Variants in AIF1L observed in about 807,000 individuals in gnomAD.
AIF1L encodes allograft inflammatory factor 1-like.
Under a neutral mutation model 20.7 loss-of-function variants are expected in AIF1L, and 12 were observed. That is an observed-to-expected ratio of 0.58 (90% CI 0.37 to 0.94). The LOEUF is 0.94. AIF1L is among the 40% of genes least tolerant of loss of function. AIF1L has a pLI of 0.01. For missense variants in AIF1L, 173 were observed against 185.3 expected (o/e 0.93, Z 0.39); for synonymous variants, 76 against 65.1 (o/e 1.17, Z -0.81).
chr9:131,102,711 C>G (rs1830663946), intron 2 of AIF1L, among the ~76,000 whole-genome samples: 1 of 152,238 alleles, frequency 6.6e-6, no homozygotes, highest in Non-Finnish European at 1.5e-5. Flanking sequence ...AACCCGCTGT[C>G]CTTGTGGGTG....
At position 131,096,840 on chromosome 9, in the gene AIF1L, A is replaced by T; in HGVS notation, c.70A>T (p.Arg24Trp). The change falls in exon 2 of 6, where the codon AGG (arginine) becomes TGG (tryptophan). Residue 24 changes from arginine (R) to tryptophan (W), a missense_variant. Arg to Trp is a moderately radical substitution (Grantham distance 101). Coordinates refer to ENST00000247291, the MANE Select transcript of AIF1L (RefSeq NM_031426.4). ...AFGLLKARQE[R>W]RLAEINREFL... ...CGGCTTGCTCAAAGCCCGGCAGGAG[A>T]GGAGGCTGGCCGAGATCAACCGGGT... 6.5e-7 allele frequency: 1 copy of T among 1,537,900 alleles called. No homozygotes were observed.
intron 5 of AIF1L, among the ~76,000 whole-genome samples, chr9:131,118,788 T>A (rs978179518): frequency 6.6e-6 from 1 of 151,958 alleles, no homozygotes; most frequent in Non-Finnish European, 1.5e-5. Flanking sequence ...TTCCAAGAGA[T>A]CAGACCCCCT....
At chr9:131,109,938 C>T (rs1329820760) in intron 2 of AIF1L, among the ~76,000 whole-genome samples, 2 of 151,480 alleles carry the variant, frequency 1.3e-5, no homozygotes, top group East Asian at 2.0e-4. Context: ...GGCCGGGCGC[C>T]GTGGCTCACA....
rs954023168 is a variant in AIF1L at position 131,118,043 on chromosome 9, C to T, written c.365+125C>T. 1.2e-5 allele frequency: 12 copies of T among 990,998 alleles called. No individual in the cohort carries two copies. In the African/African-American group the frequency reaches 2.0e-4, roughly 16 times the overall value. 61.4% of individuals were successfully genotyped at this position (990,998 alleles called of 1,614,324 possible). On this transcript the variant is annotated intron_variant, in intron 5 of 5. Transcript: ENST00000247291. Reference sequence around the variant, plus strand: ...GTAACTCATTGTGCGACCTGCTGGACAAGGTACTTACTTCTCCTGATCCTG... The same window carrying T: ...GTAACTCATTGTGCGACCTGCTGGATAAGGTACTTACTTCTCCTGATCCTG...
chr9:131,110,430 G>A (rs1055898222), intron 2 of AIF1L, among the ~76,000 whole-genome samples: 13 of 152,102 alleles, frequency 8.5e-5, no homozygotes, highest in Admixed American at 1.3e-4. Context: ...CAGGTGAGAG[G>A]GTAAGTGTAC....
chr9:131,096,989 C>G (rs1588176913), intron 2 of AIF1L, 126 bp downstream of exon 2: 1 of 1,084,442 alleles, frequency 9.2e-7, no homozygotes, highest in Non-Finnish European at 1.2e-6. Flanking sequence ...CTGGGCTTCC[C>G]TCAGGTGCCT....
chr9:131,096,622 C>A lies in AIF1L; in HGVS notation c.-8C>A, dbSNP rs1472057916. 2 of 1,484,348 alleles carry A rather than the reference C, an allele frequency of 1.3e-6. No individual in the cohort carries two copies. Among genetic ancestry groups the A allele is most frequent in the South Asian group, 2.5e-5 (2 of 78,566 alleles). 91.9% of individuals were successfully genotyped at this position (1,484,348 alleles called of 1,614,324 possible). A position where few individuals can be genotyped will look rare whatever the true frequency, so the allele number is the denominator to read the frequency against. ...AAGCCTGGAGCCGGCGGGAGCCCCGCGCTCGCCATGTCGGGCGAGCTCAGC... is the reference window on the plus strand; with the variant it reads ...AAGCCTGGAGCCGGCGGGAGCCCCGAGCTCGCCATGTCGGGCGAGCTCAGC... On this transcript the variant is annotated 5_prime_UTR_variant, in exon 1 of 6. Coordinates refer to ENST00000247291, the MANE Select transcript of AIF1L (RefSeq NM_031426.4).
At position 131,120,800 on chromosome 9, in the gene AIF1L, C is replaced by T. The variant is rs1038573483; in HGVS notation, c.*478C>T. ...GTTTCCTTGGACAGTGCCATGGCTC[C>T]AGTGCTCTGGTGTCACCCAGGACAC... On this transcript the variant is annotated 3_prime_UTR_variant, in exon 6 of 6. Coordinates refer to ENST00000247291, the MANE Select transcript of AIF1L (RefSeq NM_031426.4). 5 of 382,846 alleles carry T rather than the reference C, an allele frequency of 1.3e-5. No homozygotes were observed. Among genetic ancestry groups the T allele is most frequent in the African/African-American group, 1.0e-4 (5 of 48,904 alleles). 23.7% of individuals were successfully genotyped at this position (382,846 alleles called of 1,614,324 possible).
At position 131,120,589 on chromosome 9, in the gene AIF1L, G is replaced by A. The variant is rs1411885657; in HGVS notation, c.*267G>A. ...AGGGCTGACATCAAACCAAAAACTAGAGGGGGCAGGGCCAGGGCAGGGAGG... is the reference window on the plus strand; with the variant it reads ...AGGGCTGACATCAAACCAAAAACTAAAGGGGGCAGGGCCAGGGCAGGGAGG... On this transcript the variant is annotated 3_prime_UTR_variant, in exon 6 of 6. Transcript: ENST00000247291. The A allele has an allele frequency of 2.5e-6, 1 of 402,762 alleles. No individual in the cohort carries two copies. The highest frequency in any genetic ancestry group is 4.4e-6 in the Non-Finnish European group (1 of 226,738). 24.9% of individuals were successfully genotyped at this position (402,762 alleles called of 1,614,324 possible).
chr9:131,111,811 C>T (rs564534482), intron 3 of AIF1L, 148 bp downstream of exon 3: 131 of 818,582 alleles, frequency 1.6e-4, no homozygotes, highest in Non-Finnish European at 2.3e-4. Flanking sequence ...GGCTTGGAGA[C>T]AGGGACCCCC....
At chr9:131,119,387 G>A (rs1178147029) in intron 5 of AIF1L, among the ~76,000 whole-genome samples, 2 of 152,078 alleles carry the variant, frequency 1.3e-5, no homozygotes, top group Admixed American at 6.5e-5. Context: ...TGTAATCCTG[G>A]CTACTCGGGA....
intron 2 of AIF1L, among the ~76,000 whole-genome samples, chr9:131,101,356 T>C (rs1312835538): frequency 6.6e-6 from 1 of 150,966 alleles, no homozygotes; most frequent in Non-Finnish European, 1.5e-5. Context: ...TCATGACTCC[T>C]TTTTTTTTGA....
intron 2 of AIF1L, chr9:131,107,803 T>A (rs1016713230): frequency 6.6e-6 from 1 of 152,198 alleles, no homozygotes; most frequent in Non-Finnish European, 1.5e-5. Context: ...ATCTAATATG[T>A]CCCTTCACTG....
At chr9:131,117,531 C>T (rs185928245) in intron 4 of AIF1L, among the ~76,000 whole-genome samples, 93 of 152,264 alleles carry the variant, frequency 6.1e-4, no homozygotes, top group African/African-American at 2.1e-3. Flanking sequence ...TAGCAGAGCT[C>T]GATTCCAATG....
rs353511 is a variant in AIF1L at position 131,121,073 on chromosome 9, T to G, written c.*751T>G. 495,038 of 709,606 alleles carry G rather than the reference T, an allele frequency of 0.7. 174,992 individuals carry two copies. The highest frequency in any genetic ancestry group is 0.78 in the Admixed American group (38,384 of 49,242). 44.0% of individuals were successfully genotyped at this position (709,606 alleles called of 1,614,324 possible). ...GAGGCAGAAGTGAGGCCTGGGGTTT[T>G]GGGGGAAAGGTCAGCTCAGTGCTGT... On this transcript the variant is annotated 3_prime_UTR_variant, in exon 6 of 6. Transcript: ENST00000247291.
intron 2 of AIF1L, among the ~76,000 whole-genome samples, chr9:131,100,518 A>G (rs1031627835): frequency 1.3e-5 from 2 of 151,966 alleles, no homozygotes; most frequent in African/African-American, 4.8e-5. Context: ...AACCCAGCCT[A>G]TTTTCTCAAT....
intron 2 of AIF1L, among the ~76,000 whole-genome samples, chr9:131,101,547 G>A (rs1056983199): frequency 6.6e-6 from 1 of 151,540 alleles, no homozygotes; most frequent in Non-Finnish European, 1.5e-5. Flanking sequence ...GTTTCACCAT[G>A]TTGCCCAGGC....
At chr9:131,108,884 C>T (rs1313969706) in intron 2 of AIF1L, among the ~76,000 whole-genome samples, 1 of 152,174 alleles carries the variant, frequency 6.6e-6, no homozygotes, top group Non-Finnish European at 1.5e-5. Flanking sequence ...GAGATCCAAA[C>T]CCAGATTGCT....
In AIF1L at chr9:131,122,452, C is replaced by G. The variant is rs1342798773; in HGVS notation, c.*2130C>G. On this transcript the variant is annotated 3_prime_UTR_variant, in exon 6 of 6. Coordinates refer to ENST00000247291, the MANE Select transcript of AIF1L (RefSeq NM_031426.4). ...CTGTAAATGGAAAATCCTACTTCTACCCCCACCCTGCCCTGTTTTTTGTTT... is the reference window on the plus strand; with the variant it reads ...CTGTAAATGGAAAATCCTACTTCTAGCCCCACCCTGCCCTGTTTTTTGTTT... The G allele has an allele frequency of 6.6e-6, 1 of 150,628 alleles. No homozygotes were observed. The highest frequency in any genetic ancestry group is 1.5e-5 in the Non-Finnish European group (1 of 67,660). 9.3% of individuals were successfully genotyped at this position (150,628 alleles called of 1,614,324 possible). A position where few individuals can be genotyped will look rare whatever the true frequency, so the allele number is the denominator to read the frequency against.
Sources: gnomAD v4.1 joint callset for allele counts (sites outside exome capture counted in the v4.1 genomes callset) on GRCh38, gnomAD v4.1.1 for gene constraint, MANE v1.5 for transcripts, NCBI Gene and HGNC (gene_info 2026-07-23, HGNC 2026-07-21) for gene names.